NEDD9: variants seen among roughly 807,000 people sequenced by gnomAD.
NEDD9 encodes the protein enhancer of filamentation 1.
Under a neutral mutation model 76.6 loss-of-function variants are expected in NEDD9, and 26 were observed. That is an observed-to-expected ratio of 0.34 (90% CI 0.25 to 0.47). NEDD9 has a LOEUF of 0.47. Ranked by LOEUF, NEDD9 falls within the 20% of genes least tolerant of loss-of-function variation. NEDD9 has a pLI of 1.00. For synonymous variants in NEDD9, 392 were observed against 414.2 expected (o/e 0.95, Z 0.65); for missense variants, 937 against 1,058.5 (o/e 0.89, Z 1.59).
In NEDD9 at chr6:11,292,753, T is replaced by C. The variant is rs556924519; in HGVS notation, c.12+13239A>G. On this transcript the variant is annotated intron_variant, in intron 3 of 3. Coordinates refer to the NEDD9 transcript ENST00000397378. ...ATGCAATGGAGAGAGGTCTCTGTGA[T>C]GTGATGTGCAGATGTACATCCACAG... is the stretch of plus-strand genomic sequence containing the variant. 3.3e-5 allele frequency among the ~76,000 whole-genome samples: 5 copies of C among 152,368 alleles called. No individual in the cohort carries two copies. In the South Asian group the frequency reaches 1.0e-3, roughly 32 times the overall value.
rs1292865827 is a variant in NEDD9 at position 11,185,261 on chromosome 6, G to A, written c.2406C>T (p.Pro802=). The change falls in exon 7 of 7, where the codon CCC becomes CCT. Residue 802 remains proline (P), a synonymous_variant. Coordinates refer to ENST00000379446, the MANE Select transcript of NEDD9 (RefSeq NM_006403.4). ...CCATTTCCTGCAGGGCCGTGGTGCT[G>A]GGGTAATGGAGGGCGGCCATCTTGG... The part of the protein sequence containing the change: ...MATKMAALHY[P]STTALQEMVH... 4 of 1,614,148 alleles carry A rather than the reference G, an allele frequency of 2.5e-6. No individual in the cohort carries two copies. The highest frequency in any genetic ancestry group is 1.1e-5 in the South Asian group (1 of 91,078).
intron 1 of NEDD9, among the ~76,000 whole-genome samples, chr6:11,348,133 A>G (rs549042892): frequency 1.3e-5 from 2 of 152,336 alleles, no homozygotes; most frequent in Non-Finnish European, 2.9e-5. Context: ...GAGCATTCCT[A>G]TACACCAACA....
intron 1 of NEDD9, among the ~76,000 whole-genome samples, chr6:11,381,619 A>T (rs1207186144): frequency 2.0e-5 from 3 of 152,212 alleles, no homozygotes; most frequent in African/African-American, 7.2e-5. Context: ...ACTTGTCCTC[A>T]GCCCCTTGGA....
intron 2 of NEDD9, among the ~76,000 whole-genome samples, chr6:11,319,438 A>G (rs1484928546): frequency 1.3e-5 from 2 of 151,740 alleles, no homozygotes; most frequent in East Asian, 3.9e-4. Context: ...GCACACTCAC[A>G]CACTAACATG....
At chr6:11,281,767 A>G (rs1027358884) in intron 3 of NEDD9, among the ~76,000 whole-genome samples, 3 of 151,904 alleles carry the variant, frequency 2.0e-5, no homozygotes, top group African/African-American at 7.3e-5. Flanking sequence ...TTTTATTTTT[A>G]TCTTGAGACA....
At chr6:11,358,938 A>G (rs903578780) in intron 1 of NEDD9, among the ~76,000 whole-genome samples, 3 of 152,212 alleles carry the variant, frequency 2.0e-5, no homozygotes, top group Admixed American at 2.0e-4. Flanking sequence ...GCATATTATC[A>G]TGGGGGAGAG....
At chr6:11,356,014 C>A (rs377610054) in intron 1 of NEDD9, among the ~76,000 whole-genome samples, 31 of 152,288 alleles carry the variant, frequency 2.0e-4, no homozygotes, top group African/African-American at 7.0e-4. Context: ...AGCCACCATG[C>A]CCGGCCGAGA....
At chr6:11,249,434 G>A (rs1581982616) in intron 3 of NEDD9, among the ~76,000 whole-genome samples, 1 of 152,136 alleles carries the variant, frequency 6.6e-6, no homozygotes, top group African/African-American at 2.4e-5. Flanking sequence ...TCAAATTCTA[G>A]ACATCACTTC....
chr6:11,317,681 T>C (rs1034851462), intron 2 of NEDD9, among the ~76,000 whole-genome samples: 1 of 152,108 alleles, frequency 6.6e-6, no homozygotes, highest in Non-Finnish European at 1.5e-5. Context: ...AGTCTAGACT[T>C]CTCTTTCTAG....
At chr6:11,324,979 T>C (rs928767369) in intron 2 of NEDD9, among the ~76,000 whole-genome samples, 1 of 152,194 alleles carries the variant, frequency 6.6e-6, no homozygotes, top group African/African-American at 2.4e-5. Context: ...CAGAAAGAAA[T>C]AGAAAGATAA....
intron 4 of NEDD9, 52 bp from the exon 5 acceptor site, chr6:11,191,257 A>G (rs1188149390): frequency 6.6e-7 from 1 of 1,515,110 alleles, no homozygotes; most frequent in Non-Finnish European, 8.8e-7. Flanking sequence ...GCTCATGGGA[A>G]CCTGTGGTCC....
intron 4 of NEDD9, among the ~76,000 whole-genome samples, chr6:11,192,129 G>T (rs963585659): frequency 1.3e-5 from 2 of 152,120 alleles, no homozygotes; most frequent in South Asian, 2.1e-4. Flanking sequence ...TTTAGTTGGG[G>T]CTTCTCAATA....
intron 3 of NEDD9, among the ~76,000 whole-genome samples, chr6:11,250,113 C>T (rs1002602059): frequency 1.3e-5 from 2 of 152,210 alleles, no homozygotes; most frequent in Admixed American, 6.5e-5. Context: ...ACATCCACCT[C>T]AGGAGCACAA....
chr6:11,379,174 T>G (rs1461821581), intron 1 of NEDD9, among the ~76,000 whole-genome samples: 2 of 152,244 alleles, frequency 1.3e-5, no homozygotes, highest in African/African-American at 4.8e-5. Context: ...AGCCATGCCC[T>G]TGAGGAGCCT....
intron 2 of NEDD9, among the ~76,000 whole-genome samples, chr6:11,317,902 A>G (rs1761624235): frequency 6.6e-6 from 1 of 152,180 alleles, no homozygotes; most frequent in Admixed American, 6.5e-5. Flanking sequence ...TAAATTGAGT[A>G]AAGCAGGTGG....
intron 1 of NEDD9, among the ~76,000 whole-genome samples, chr6:11,360,134 C>T (rs1762652267): frequency 6.6e-6 from 1 of 152,158 alleles, no homozygotes; most frequent in South Asian, 2.1e-4. Flanking sequence ...TTCCAGGGCA[C>T]TGCTATTGGA....
At chr6:11,237,265 G>A (rs1439276626), upstream of NEDD9, among the ~76,000 whole-genome samples, 3 of 152,168 alleles carry the variant, frequency 2.0e-5, no homozygotes, top group Admixed American at 1.3e-4. This position sits in a 1 kb window ranked among gnomAD's most constrained non-coding sequence, Gnocchi z 4.9. Context: ...TGGGGAACAG[G>A]GTGGTATCTT....
At position 11,198,367 on chromosome 6, in the gene NEDD9, G is replaced by T. The variant is rs189861222; in HGVS notation, c.460-4675C>A. The T allele has an allele frequency of 2.5e-3, 381 of 152,298 alleles. No individual in the cohort carries two copies. Among genetic ancestry groups the T allele is most frequent in the South Asian group, 0.013 (65 of 4,822 alleles). The allele number at this position is 152,298 out of a possible 1,614,324, so 9.4% of individuals were successfully genotyped here. A position where few individuals can be genotyped will look rare whatever the true frequency, so the allele number is the denominator to read the frequency against. ...AACTCCCTCCCTCGGCGAGAACTGA[G>T]CTGTCCATTTCCACAGATGCCCTGC... On this transcript the variant is annotated intron_variant, in intron 2 of 6. Coordinates refer to ENST00000379446, the MANE Select transcript of NEDD9 (RefSeq NM_006403.4). This position sits in a 1 kb window ranked among gnomAD's most constrained non-coding sequence, Gnocchi z 4.7.
At chr6:11,361,506 C>A (rs565409727) in intron 1 of NEDD9, among the ~76,000 whole-genome samples, 1 of 152,176 alleles carries the variant, frequency 6.6e-6, no homozygotes, top group Admixed American at 6.5e-5. Flanking sequence ...ACAACCAGAT[C>A]TCACAAGACC....
Sources: gnomAD v4.1 joint callset for allele counts (sites outside exome capture counted in the v4.1 genomes callset) on GRCh38, gnomAD v4.1.1 for gene constraint, Gnocchi (gnomAD v3.1) non-coding constraint, MANE v1.5 for transcripts, NCBI Gene and HGNC (gene_info 2026-07-23, HGNC 2026-07-21) for gene names.